The following FHOD3 variants were observed in gnomAD, a reference collection of about 807,000 sequenced individuals.
The protein encoded by FHOD3 is formin homology 2 domain containing 3.
A neutral mutation model predicts 173.0 loss-of-function variants in FHOD3; 90 were observed. That is an observed-to-expected ratio of 0.52 (90% confidence interval 0.44 to 0.62). The LOEUF (loss-of-function observed/expected upper bound fraction) is 0.62, where lower values mean the gene tolerates loss of function less well. Ranked by LOEUF, FHOD3 falls within the 20% of genes least tolerant of loss-of-function variation. FHOD3 has a pLI of 0.00. For synonymous variants in FHOD3, 828 were observed against 823.0 expected, an observed-to-expected ratio of 1.01 and a Z score of -0.10; for missense variants, 1,945 against 2,034.7, an observed-to-expected ratio of 0.96 and a Z score of 0.85.
At chr18:36,661,567 A>G (rs1019557918) in intron 14 of FHOD3, among the ~76,000 whole-genome samples, 3 of 152,152 alleles carry the variant, frequency 2.0e-5, no homozygotes, top group Non-Finnish European at 4.4e-5. Flanking sequence ...TTTGGAAACA[A>G]GACTACTTCA....
chr18:36,470,048 T>A (rs1377344150), intron 3 of FHOD3, among the ~76,000 whole-genome samples: 1 of 152,194 alleles, frequency 6.6e-6, no homozygotes, highest in East Asian at 1.9e-4. Context: ...GGAAATTCTG[T>A]AGCAGAGAGC....
intron 3 of FHOD3, among the ~76,000 whole-genome samples, chr18:36,490,936 C>T (rs182933202): frequency 2.2e-4 from 34 of 152,296 alleles, no homozygotes; most frequent in African/African-American, 7.5e-4. Context: ...GTCTGAAGCT[C>T]ATCTATGGAA....
intron 18 of FHOD3, 88 bp downstream of exon 18, chr18:36,709,479 G>A: frequency 7.1e-7 from 1 of 1,415,924 alleles, no homozygotes; most frequent in Non-Finnish European, 9.5e-7. Flanking sequence ...CCACAGGCTG[G>A]CCTCTGAGGT....
At chr18:36,740,507 T>G in intron 20 of FHOD3, 149 bp from the exon 21 acceptor site, 2 of 810,104 alleles carry the variant, frequency 2.5e-6, no homozygotes, top group Non-Finnish European at 3.8e-6. Flanking sequence ...GTCAAGTTGC[T>G]TCAAGTATAT....
At position 36,474,332 on chromosome 18, in the gene FHOD3, C is replaced by T. The variant is rs147086586; in HGVS notation, c.338-27600C>T. ...GTTCAGTGCCTGCAGGAGGGATATG[C>T]GCATGATGGTGGCAGTATGGAATGG... On this transcript the variant is annotated intron_variant, in intron 3 of 28. Coordinates refer to ENST00000590592, the MANE Select transcript of FHOD3 (RefSeq NM_001281740.3). Among the ~76,000 whole-genome samples, 17 of 152,210 alleles carry T rather than the reference C, an allele frequency of 1.1e-4. No homozygotes were observed. In the East Asian group the frequency reaches 2.5e-3, roughly 22 times the overall value.
chr18:36,678,357 C>T (rs1011794331), intron 14 of FHOD3, among the ~76,000 whole-genome samples: 1 of 151,658 alleles, frequency 6.6e-6, no homozygotes, highest in African/African-American at 2.4e-5. Context: ...AGCAACATGG[C>T]AAAACCCCAA....
In FHOD3 at chr18:36,404,717, G is replaced by A. The variant is rs1416085587; in HGVS notation, c.337+31973G>A. ...TCAGTGGCTATTGGGGGGCTCAAGGGAAATGCACTGGGTAGCTGAGCAGTT... is the reference window on the plus strand; with the variant it reads ...TCAGTGGCTATTGGGGGGCTCAAGGAAAATGCACTGGGTAGCTGAGCAGTT... On this transcript the variant is annotated intron_variant, in intron 3 of 28. Transcript: ENST00000590592. Among the ~76,000 whole-genome samples, 3 of 152,158 alleles carry A rather than the reference G, an allele frequency of 2.0e-5. No homozygotes were observed. The East Asian group carries it at 5.8e-4, about 29-fold the overall frequency.
intron 14 of FHOD3, among the ~76,000 whole-genome samples, chr18:36,661,129 AAAAAG>A (rs548846624): frequency 2.6e-5 from 4 of 152,268 alleles, no homozygotes; most frequent in Admixed American, 2.6e-4. Context: ...GGGGAAAAAA[AAAAAG>A]AAATAAGAGG....
chr18:36,639,230 CT>C (rs1292274538), intron 10 of FHOD3, among the ~76,000 whole-genome samples: 1 of 152,188 alleles, frequency 6.6e-6, no homozygotes, highest in Non-Finnish European at 1.5e-5. Context: ...GCTCTGTCAA[CT>C]TCTGAGGGAC....
At chr18:36,587,401 G>A (rs1431752293) in intron 6 of FHOD3, among the ~76,000 whole-genome samples, 1 of 152,188 alleles carries the variant, frequency 6.6e-6, no homozygotes, top group African/African-American at 2.4e-5. Context: ...TTTCCCAAAG[G>A]TAAGCAGAGT....
At chr18:36,331,985 C>CT (rs1288266763) in intron 1 of FHOD3, among the ~76,000 whole-genome samples, 1 of 152,132 alleles carries the variant, frequency 6.6e-6, no homozygotes, top group Admixed American at 6.5e-5. Flanking sequence ...TGTGAGGTTG[C>CT]TGAAAGAGGG....
intron 4 of FHOD3, among the ~76,000 whole-genome samples, chr18:36,509,818 C>G (rs1019410952): frequency 6.6e-6 from 1 of 152,224 alleles, no homozygotes; most frequent in Non-Finnish European, 1.5e-5. Flanking sequence ...AGTGTTTGTT[C>G]TCTGAATTCC....
intron 3 of FHOD3, among the ~76,000 whole-genome samples, chr18:36,493,017 C>T (rs1568344163): frequency 6.6e-6 from 1 of 152,096 alleles, no homozygotes; most frequent in Admixed American, 6.6e-5. Context: ...GGCTCCAGTC[C>T]CAGCTCTGGG....
intron 15 of FHOD3, among the ~76,000 whole-genome samples, chr18:36,685,008 T>C (rs1263177793): frequency 6.6e-6 from 1 of 152,216 alleles, no homozygotes; most frequent in Non-Finnish European, 1.5e-5. Context: ...TTTCACTGTG[T>C]TGCCCAGGCT....
At chr18:36,552,473 T>C (rs1404778606) in intron 5 of FHOD3, among the ~76,000 whole-genome samples, 2 of 152,020 alleles carry the variant, frequency 1.3e-5, no homozygotes, top group African/African-American at 4.8e-5. Flanking sequence ...CTTTTCCTAA[T>C]TGAATACCCT....
chr18:36,475,132 G>A (rs918498103), intron 3 of FHOD3, among the ~76,000 whole-genome samples: 1 of 152,054 alleles, frequency 6.6e-6, no homozygotes, highest in African/African-American at 2.4e-5. Context: ...CTTGCAGGAC[G>A]AGAGGAAGGT....
At chr18:36,491,501 C>T (rs2054471041) in intron 3 of FHOD3, among the ~76,000 whole-genome samples, 1 of 152,092 alleles carries the variant, frequency 6.6e-6, no homozygotes, top group Non-Finnish European at 1.5e-5. Flanking sequence ...TGGTACTATC[C>T]ACCATTACAG....
At chr18:36,301,167 A>G (rs1016256484) in intron 1 of FHOD3, among the ~76,000 whole-genome samples, 2 of 152,178 alleles carry the variant, frequency 1.3e-5, no homozygotes, top group African/African-American at 2.4e-5. Flanking sequence ...GCCCCCTCAG[A>G]GGGTCCTAAT....
At chr18:36,552,171 A>C (rs569531404) in intron 5 of FHOD3, among the ~76,000 whole-genome samples, 65 of 152,162 alleles carry the variant, frequency 4.3e-4, no homozygotes, top group African/African-American at 1.4e-3. Flanking sequence ...CTTTTATTTC[A>C]TTGAGCAGTG....
Sources: allele counts gnomAD v4.1 joint callset (sites outside exome capture counted in the v4.1 genomes callset), GRCh38; gene constraint gnomAD v4.1.1; transcripts MANE v1.5; gene names NCBI Gene and HGNC (gene_info 2026-07-23, HGNC 2026-07-21).